Variants in SNX18 observed in about 807,000 individuals in gnomAD.
SNX18 encodes the protein sorting nexin-18.
Under a neutral mutation model 48.7 loss-of-function variants are expected in SNX18, and 35 were observed. The ratio of observed to expected loss-of-function variants is 0.72; its 90% CI spans 0.55 to 0.95. SNX18 has a LOEUF of 0.95. Ranked by LOEUF, SNX18 falls within the 40% of genes least tolerant of loss-of-function variation. SNX18 has a pLI of 0.00. For missense variants in SNX18, 824 were observed against 871.0 expected (o/e 0.95, Z 0.68); for synonymous variants, 492 against 384.7 (o/e 1.28, Z -3.26).
chr5:54,542,421 A>G (rs1302601762), intron 1 of SNX18, among the ~76,000 whole-genome samples: 1 of 152,204 alleles, frequency 6.6e-6, no homozygotes, highest in Non-Finnish European at 1.5e-5. Context: ...AAAAGGGGCA[A>G]ATTCTTATTA....
At chr5:54,645,599 C>T in the SNX18 span, 1 of 152,204 alleles carries the variant, frequency 6.6e-6, no homozygotes, top group Non-Finnish European at 1.5e-5. Flanking sequence ...TCCTTAAATT[C>T]TAAGAGTTGG....
At chr5:54,620,863 A>T in the SNX18 span, among the ~76,000 whole-genome samples, 1 of 152,148 alleles carries the variant, frequency 6.6e-6, no homozygotes, top group East Asian at 1.9e-4. Context: ...TTCTCTGTGC[A>T]CATGCATTGC....
At chr5:54,577,750 A>G in the SNX18 span, among the ~76,000 whole-genome samples, 1 of 152,202 alleles carries the variant, frequency 6.6e-6, no homozygotes. Context: ...GAGTGGCTGA[A>G]GCTCTGGAAA....
At chr5:54,631,714 A>T in the SNX18 span, among the ~76,000 whole-genome samples, 1,287 of 152,330 alleles carry the variant, frequency 8.4e-3, 10 homozygotes, top group Non-Finnish European at 0.016. Context: ...AGGATCCCCT[A>T]GAAGTCAAGA....
the SNX18 span, among the ~76,000 whole-genome samples, chr5:54,588,303 A>ATTGTTTTTTTT: frequency 1.0e-5 from 1 of 100,448 alleles, no homozygotes; most frequent in East Asian, 3.1e-4. Flanking sequence ...TGTTATTTCT[A>ATTGTTTTTTTT]TTCTTTTTTT....
chr5:54,616,447 T>A, the SNX18 span, among the ~76,000 whole-genome samples: 1 of 152,158 alleles, frequency 6.6e-6, no homozygotes, highest in Non-Finnish European at 1.5e-5. Flanking sequence ...TAAAACCACA[T>A]CCCAATTTCA....
chr5:54,533,563 T>A (rs890904579), intron 1 of SNX18, among the ~76,000 whole-genome samples: 2 of 152,228 alleles, frequency 1.3e-5, no homozygotes, highest in Non-Finnish European at 2.9e-5. Context: ...ATTGCCTGAG[T>A]TGGGCAGACC....
chr5:54,584,339 C>T, the SNX18 span, among the ~76,000 whole-genome samples: 9 of 151,916 alleles, frequency 5.9e-5, no homozygotes, highest in Non-Finnish European at 1.0e-4. Flanking sequence ...TGAGCCACTG[C>T]GTCCAGGCAC....
chr5:54,550,893 G>T (rs1417903598), downstream of SNX18, among the ~76,000 whole-genome samples: 1 of 149,172 alleles, frequency 6.7e-6, no homozygotes, highest in Non-Finnish European at 1.5e-5. Flanking sequence ...CCTATGTGTA[G>T]ATTATTTATG....
chr5:54,557,874 A>G, the SNX18 span, among the ~76,000 whole-genome samples: 1 of 152,174 alleles, frequency 6.6e-6, no homozygotes, highest in Admixed American at 6.6e-5. Flanking sequence ...GCTCCCATGT[A>G]TTGTCTTTTT....
the SNX18 span, among the ~76,000 whole-genome samples, chr5:54,614,551 AATC>A: frequency 6.6e-6 from 1 of 152,204 alleles, no homozygotes. Context: ...TCATGACTGT[AATC>A]CCACCACTTT....
the SNX18 span, among the ~76,000 whole-genome samples, chr5:54,568,152 G>C: frequency 6.6e-6 from 1 of 152,062 alleles, no homozygotes; most frequent in African/African-American, 2.4e-5. Flanking sequence ...CTTTCCCTTG[G>C]TTTCTAAAGT....
the SNX18 span, among the ~76,000 whole-genome samples, chr5:54,597,712 C>T: frequency 6.6e-6 from 1 of 152,054 alleles, no homozygotes; most frequent in Non-Finnish European, 1.5e-5. Flanking sequence ...GAAAACGTAC[C>T]AGAATCTCTG....
the SNX18 span, among the ~76,000 whole-genome samples, chr5:54,624,304 T>G: frequency 6.6e-6 from 1 of 152,182 alleles, no homozygotes. Context: ...CTTTATGACT[T>G]TTCATCATGG....
the SNX18 span, among the ~76,000 whole-genome samples, chr5:54,564,856 AAAAAACAAACAAAC>A: frequency 6.6e-6 from 1 of 152,024 alleles, no homozygotes; most frequent in Non-Finnish European, 1.5e-5. Flanking sequence ...ACTCCGTCTC[AAAAAACAAACAAAC>A]AAAAACAAAC....
At chr5:54,631,474 A>G in the SNX18 span, among the ~76,000 whole-genome samples, 2 of 152,242 alleles carry the variant, frequency 1.3e-5, no homozygotes, top group African/African-American at 4.8e-5. Context: ...CTTTCTGTCA[A>G]TAAATAAATG....
chr5:54,563,321 C>T, the SNX18 span, among the ~76,000 whole-genome samples: 1 of 152,298 alleles, frequency 6.6e-6, no homozygotes, highest in Admixed American at 6.5e-5. Flanking sequence ...GTCCTACAAG[C>T]TCTGTTCATG....
the SNX18 span, among the ~76,000 whole-genome samples, chr5:54,563,098 C>G: frequency 6.6e-6 from 1 of 151,902 alleles, no homozygotes; most frequent in African/African-American, 2.4e-5. Flanking sequence ...AGTCTTATTA[C>G]AAGATTCAAA....
chr5:54,611,981 G>A, the SNX18 span, among the ~76,000 whole-genome samples: 1 of 151,842 alleles, frequency 6.6e-6, no homozygotes, highest in Non-Finnish European at 1.5e-5. Flanking sequence ...GGACTCAAGC[G>A]ATCCTCCCGC....
Sources: allele counts gnomAD v4.1 joint callset (sites outside exome capture counted in the v4.1 genomes callset), GRCh38; gene constraint gnomAD v4.1.1; transcripts MANE v1.5; gene names NCBI Gene and HGNC (gene_info 2026-07-23, HGNC 2026-07-21).